ATXN2: variants seen among roughly 807,000 people sequenced by gnomAD.
The protein encoded by ATXN2 is ataxin 2, also known as ataxin-2.
ATXN2 carries 37 observed loss-of-function variants against 138.6 expected under a neutral mutation model. That is an observed-to-expected ratio of 0.27 (90% CI 0.21 to 0.35). The LOEUF (loss-of-function observed/expected upper bound fraction) is 0.35. Ranked by LOEUF, ATXN2 falls within the 10% of genes least tolerant of loss-of-function variation. ATXN2 has a pLI of 1.00. For synonymous variants in ATXN2, 549 were observed against 543.7 expected, an observed-to-expected ratio of 1.01 and a Z score of -0.13; for missense variants, 1,216 against 1,480.3, an observed-to-expected ratio of 0.82 and a Z score of 2.93.
chr12:111,524,178 A>G (rs559929442), intron 6 of ATXN2, among the ~76,000 whole-genome samples: 2 of 152,332 alleles, frequency 1.3e-5, no homozygotes, highest in Non-Finnish European at 2.9e-5. Flanking sequence ...GATTTGTTAA[A>G]GTTTGAGAAT....
In ATXN2 at chr12:111,527,858, C is replaced by A. The variant is rs1357222565; in HGVS notation, c.572-2542G>T. ...ATTTGATACTAACCTGAATCACGTT[C>A]TTCTCTACATTATCTTAAAGTTATG... On this transcript the variant is annotated intron_variant, in intron 5 of 24. Transcript: ENST00000673436. Among the ~76,000 whole-genome samples, 4 of 152,226 alleles carry A rather than the reference C, an allele frequency of 2.6e-5. No individual in the cohort carries two copies. In the East Asian group the frequency reaches 7.7e-4, roughly 29 times the overall value.
intron 21 of ATXN2, among the ~76,000 whole-genome samples, chr12:111,459,381 T>G (rs368123532): frequency 3.3e-5 from 5 of 152,228 alleles, no homozygotes; most frequent in African/African-American, 1.2e-4. Flanking sequence ...AAAGATTTGA[T>G]GTAAATTTCG....
At chr12:111,549,734 C>T (rs999933815) in intron 5 of ATXN2, among the ~76,000 whole-genome samples, 6 of 152,090 alleles carry the variant, frequency 3.9e-5, no homozygotes. Context: ...GCACTGGACG[C>T]AATTGTATAA....
At chr12:111,559,140 T>G (rs139319688) in intron 1 of ATXN2, among the ~76,000 whole-genome samples, 1 of 151,354 alleles carries the variant, frequency 6.6e-6, no homozygotes, top group African/African-American at 2.4e-5. Flanking sequence ...TTTTTTGTTT[T>G]TTTTTTTTTC....
intron 1 of ATXN2, among the ~76,000 whole-genome samples, chr12:111,558,976 G>C (rs1213129269): frequency 2.8e-5 from 4 of 145,002 alleles, no homozygotes; most frequent in Non-Finnish European, 3.0e-5. Context: ...AGCACCTTCT[G>C]CTTCTGATGT....
rs1256661478 is a variant in ATXN2, at chr12:111,474,433, GAAGA to G, written c.2525-3695_2525-3692del. On this transcript the variant is annotated intron_variant, in intron 18 of 24. Coordinates refer to ENST00000673436, the MANE Select transcript of ATXN2 (RefSeq NM_001372574.1). The stretch of plus-strand genomic sequence containing the variant: ...AAAAAACAAACAAAAAAACAAAGAA[GAAGA>G]AAGACAAGACAAGAAAAGAAAAGCT... Among the ~76,000 whole-genome samples, 5 of 152,032 alleles carry G rather than the reference GAAGA, an allele frequency of 3.3e-5. No homozygotes were observed. In the East Asian group the frequency reaches 9.7e-4, roughly 29 times the overall value.
At chr12:111,502,428 T>C (rs968717208) in intron 14 of ATXN2, among the ~76,000 whole-genome samples, 4 of 151,570 alleles carry the variant, frequency 2.6e-5, no homozygotes, top group African/African-American at 9.7e-5. Context: ...ACTTAAGTTC[T>C]TTTTTTTTCT....
chr12:111,525,128 A>G lies in ATXN2; in HGVS notation c.696+64T>C, dbSNP rs1185590278. The G allele has an allele frequency of 2.0e-6, 3 of 1,526,654 alleles. No individual in the cohort carries two copies. The East Asian group carries it at 6.9e-5, about 35-fold the overall frequency. 94.6% of individuals were successfully genotyped at this position (1,526,654 alleles called of 1,614,324 possible). A position where few individuals can be genotyped will look rare whatever the true frequency, so the allele number is the denominator to read the frequency against. On this transcript the variant is annotated intron_variant, in intron 6 of 24. Coordinates refer to ENST00000673436, the MANE Select transcript of ATXN2 (RefSeq NM_001372574.1). Reference sequence around the variant, plus strand: ...ACAACAACAAAAGCACATTTAAATTACAACCAAGTGACAGGATGTCATACT... The same window carrying G: ...ACAACAACAAAAGCACATTTAAATTGCAACCAAGTGACAGGATGTCATACT...
chr12:111,553,899 C>T (rs1882255504), intron 3 of ATXN2, among the ~76,000 whole-genome samples: 1 of 151,942 alleles, frequency 6.6e-6, no homozygotes. Context: ...CTGTGCCTGG[C>T]CTTTTTAACA....
At chr12:111,519,827 C>T in intron 8 of ATXN2, 52 bp downstream of exon 8, 1 of 1,612,850 alleles carries the variant, frequency 6.2e-7, no homozygotes, top group Non-Finnish European at 8.5e-7. Flanking sequence ...CCGTCTCACA[C>T]AGACCTTGAG....
chr12:111,472,981 T>C (rs1016515870), intron 18 of ATXN2, among the ~76,000 whole-genome samples: 4 of 152,190 alleles, frequency 2.6e-5, no homozygotes, highest in Admixed American at 6.5e-5. Flanking sequence ...TATAAGTTTA[T>C]TGTGATTCTG....
At chr12:111,571,007 G>GA (rs2135813181) in intron 1 of ATXN2, among the ~76,000 whole-genome samples, 1 of 152,308 alleles carries the variant, frequency 6.6e-6, no homozygotes, top group East Asian at 1.9e-4. Flanking sequence ...AAAAGTTACT[G>GA]AGCACTTATT....
At chr12:111,588,578 C>T (rs1364277163) in intron 1 of ATXN2, among the ~76,000 whole-genome samples, 3 of 150,732 alleles carry the variant, frequency 2.0e-5, no homozygotes, top group Non-Finnish European at 4.4e-5. Flanking sequence ...GCCGAGATCG[C>T]ACCACTGCAC....
At chr12:111,474,246 A>G (rs1876633921) in intron 18 of ATXN2, among the ~76,000 whole-genome samples, 1 of 151,904 alleles carries the variant, frequency 6.6e-6, no homozygotes, top group Non-Finnish European at 1.5e-5. Flanking sequence ...AAAAAAACCT[A>G]TGACTTGGCT....
In ATXN2 at chr12:111,453,083, A is replaced by G. The variant is rs1435178102; in HGVS notation, c.3440-243T>C. 44 of 1,267,570 alleles carry G rather than the reference A, an allele frequency of 3.5e-5. No homozygotes were observed. The highest frequency in any genetic ancestry group is 4.1e-5 in the Non-Finnish European group (41 of 1,007,002). The allele number at this position is 1,267,570 out of a possible 1,614,324, so 78.5% of individuals were successfully genotyped here. On this transcript the variant is annotated intron_variant, in intron 24 of 24. Coordinates refer to ENST00000673436, the MANE Select transcript of ATXN2 (RefSeq NM_001372574.1). This position sits in a 1 kb window ranked among gnomAD's most constrained non-coding sequence, Gnocchi z 5.4. ...CCCAGAAGACTTGTTCATGGGGTAG[A>G]AAAAAAGGCCTTAACAAACCCCCTC...
chr12:111,525,060 A>G (rs769535269), intron 6 of ATXN2, 132 bp downstream of exon 6: 3 of 1,195,568 alleles, frequency 2.5e-6, no homozygotes, highest in Non-Finnish European at 3.4e-6. Context: ...GTCTCTAGTT[A>G]TACAACAAAC....
At chr12:111,486,938 TAGA>T (rs1391954809) in intron 15 of ATXN2, 114 bp from the exon 16 acceptor site, 16 of 803,040 alleles carry the variant, frequency 2.0e-5, no homozygotes, top group Non-Finnish European at 3.0e-5. Flanking sequence ...CTGTTCTCAC[TAGA>T]AGATCACTAA....
intron 1 of ATXN2, among the ~76,000 whole-genome samples, chr12:111,589,292 G>A (rs145912265): frequency 8.1e-4 from 123 of 151,728 alleles, no homozygotes; most frequent in African/African-American, 2.9e-3. Context: ...TCCAGCCTGG[G>A]TGACAGGGTA....
chr12:111,476,235 G>A (rs1260979336), intron 18 of ATXN2, among the ~76,000 whole-genome samples: 1 of 152,196 alleles, frequency 6.6e-6, no homozygotes, highest in Non-Finnish European at 1.5e-5. Flanking sequence ...TTACAGGTAT[G>A]AGCCACTGTT....
Sources: allele counts gnomAD v4.1 joint callset (sites outside exome capture counted in the v4.1 genomes callset), GRCh38; gene constraint gnomAD v4.1.1; non-coding constraint Gnocchi (gnomAD v3.1); transcripts MANE v1.5; gene names NCBI Gene and HGNC (gene_info 2026-07-23, HGNC 2026-07-21).